The following PITRM1 variants were observed in gnomAD, a reference collection of about 807,000 sequenced individuals.
PITRM1 encodes pitrilysin metallopeptidase 1, also known as presequence protease, mitochondrial.
A neutral mutation model predicts 129.9 loss-of-function variants in PITRM1; 100 were observed. That is an observed-to-expected ratio of 0.77 (90% CI 0.65 to 0.91). The LOEUF (loss-of-function observed/expected upper bound fraction) is 0.91, where lower values mean the gene tolerates loss of function less well. PITRM1 is among the 40% of genes least tolerant of loss of function. PITRM1 has a pLI of 0.00. For missense variants in PITRM1, 1,471 were observed against 1,318.3 expected (o/e 1.12, Z -1.79); for synonymous variants, 591 against 508.8 (o/e 1.16, Z -2.17).
chr10:3,140,995 G>A (rs934978776), intron 23 of PITRM1, among the ~76,000 whole-genome samples, 183 bp from the exon 24 acceptor site: 2 of 152,196 alleles, frequency 1.3e-5, no homozygotes, highest in African/African-American at 4.8e-5. Flanking sequence ...AGGCTGGAGT[G>A]CATTAGTGCA....
intron 16 of PITRM1, chr10:3,149,265 G>A: frequency 5.6e-6 from 1 of 179,442 alleles, no homozygotes; most frequent in Non-Finnish European, 1.2e-5. Context: ...TGGAGGAGGA[G>A]CCACGCACGC....
intron 23 of PITRM1, 74 bp downstream of exon 23, chr10:3,143,315 T>G: frequency 1.1e-6 from 1 of 939,056 alleles, no homozygotes. Context: ...AAACACGCCC[T>G]GTGAACTCGA....
At chr10:3,165,999 T>C (rs1039717901) in intron 4 of PITRM1, among the ~76,000 whole-genome samples, 1 of 152,230 alleles carries the variant, frequency 6.6e-6, no homozygotes, top group East Asian at 1.9e-4. Flanking sequence ...TTTGAACTTT[T>C]CTGGGAAAAG....
At position 3,138,076 on chromosome 10, in the gene PITRM1, G is replaced by C. The variant is rs774147112; in HGVS notation, c.3069C>G (p.Pro1023=). 1 of 1,610,350 alleles carries C rather than the reference G, an allele frequency of 6.2e-7. No homozygotes were observed. Among genetic ancestry groups the C allele is most frequent in the Non-Finnish European group, 8.5e-7 (1 of 1,178,618 alleles). Residue 1023 remains proline, a synonymous_variant, in exon 27 of 27, where the codon CCC becomes CCG. Transcript: ENST00000224949. The part of the protein sequence containing the change: ...KSTHGLAILG[P]ENPKIAKDPS... ...GGTCCTTGGCAATTTTCGGGTTCTC[G>C]GGTCCGAGGATGGCCAGGCCGTGTG...
intron 14 of PITRM1, among the ~76,000 whole-genome samples, chr10:3,155,140 C>T: frequency 6.6e-6 from 1 of 152,132 alleles, no homozygotes; most frequent in East Asian, 1.9e-4. Flanking sequence ...CCTCCATGCC[C>T]ACCGCTCCAC....
chr10:3,145,271 T>G (rs1014084759), intron 21 of PITRM1: 1 of 287,676 alleles, frequency 3.5e-6, no homozygotes, highest in Non-Finnish European at 6.5e-6. Context: ...GAAACAGCAG[T>G]GAACAGCCTT....
At position 3,158,292 on chromosome 10, in the gene PITRM1, T is replaced by C. The variant is rs979918971; in HGVS notation, c.1137-139A>G. 1.4e-5 allele frequency: 9 copies of C among 630,804 alleles called. No individual in the cohort carries two copies. The African/African-American group carries it at 1.5e-4, about 11-fold the overall frequency. The allele number at this position is 630,804 out of a possible 1,614,324, so 39.1% of individuals were successfully genotyped here. On this transcript the variant is annotated intron_variant, in intron 10 of 26. Coordinates refer to ENST00000224949, the MANE Select transcript of PITRM1 (RefSeq NM_014889.4). ...TGAAAAGCTCATTAAAGCAGTGTTC[T>C]CAAGTAACTGGTTCTGTGTACATCC...
At chr10:3,144,750 A>G (rs1475437927) in intron 21 of PITRM1, among the ~76,000 whole-genome samples, 1 of 152,186 alleles carries the variant, frequency 6.6e-6, no homozygotes. Flanking sequence ...GGCTACAGCT[A>G]GTTGTAATGG....
intron 2 of PITRM1, among the ~76,000 whole-genome samples, chr10:3,168,814 G>C (rs963784504): frequency 6.6e-6 from 1 of 152,070 alleles, no homozygotes. Flanking sequence ...ACCCAGTCTT[G>C]GGTATTTCTT....
chr10:3,172,590 G>T (rs1843482150), intron 1 of PITRM1, 127 bp downstream of exon 1: 2 of 844,852 alleles, frequency 2.4e-6, no homozygotes, highest in Non-Finnish European at 3.4e-6. Flanking sequence ...CGGGGTGCGG[G>T]ACGCCCACAG....
At chr10:3,138,514 C>T in intron 25 of PITRM1, 177 bp from the exon 26 acceptor site, 1 of 630,658 alleles carries the variant, frequency 1.6e-6, no homozygotes, top group Non-Finnish European at 2.9e-6. Flanking sequence ...CTCCCACGTG[C>T]CACGCTGACC....
At chr10:3,139,264 G>T (rs1038629155) in intron 24 of PITRM1, among the ~76,000 whole-genome samples, 2 of 152,172 alleles carry the variant, frequency 1.3e-5, no homozygotes, top group Admixed American at 6.5e-5. Context: ...CTCCCTCTTA[G>T]ACAAGGTCTG....
intron 4 of PITRM1, 33 bp from the exon 5 acceptor site, chr10:3,165,560 A>T: frequency 8.3e-7 from 1 of 1,212,052 alleles, no homozygotes; most frequent in South Asian, 1.3e-5. Context: ...ATTGTAAAAT[A>T]TAACAGATTT....
rs1045732819 is a variant in PITRM1, at chr10:3,143,324, G to C, written c.2645+65C>G. ...GTGCTAAAACACGCCCTGTGAACTCGAACAGCCTTGACAAGCTCTTCCGTA... is the reference window on the plus strand; with the variant it reads ...GTGCTAAAACACGCCCTGTGAACTCCAACAGCCTTGACAAGCTCTTCCGTA... On this transcript the variant is annotated intron_variant, in intron 23 of 26. Transcript: ENST00000224949. The C allele has an allele frequency of 1.6e-5, 17 of 1,041,672 alleles. 1 individual carries two copies. In the South Asian group the frequency reaches 1.8e-4, roughly 11 times the overall value. The allele number at this position is 1,041,672 out of a possible 1,614,324, so 64.5% of individuals were successfully genotyped here.
chr10:3,162,223 A>G (rs970818211), intron 7 of PITRM1, among the ~76,000 whole-genome samples: 2 of 149,656 alleles, frequency 1.3e-5, no homozygotes, highest in African/African-American at 4.9e-5. Context: ...TTCCTGCACC[A>G]CCCCTCCTCC....
chr10:3,149,851 T>G, intron 15 of PITRM1, 98 bp from the exon 16 acceptor site: 2 of 1,333,256 alleles, frequency 1.5e-6, no homozygotes, highest in East Asian at 4.6e-5. Flanking sequence ...TTTTCAAGAA[T>G]GGAGGTTTAA....
rs1237594090 is a variant in PITRM1 at position 3,138,127 on chromosome 10, G to A, written c.3021-3C>T. On this transcript the variant is annotated splice_polypyrimidine_tract_variant and splice_region_variant and intron_variant, in intron 26 of 26. Transcript: ENST00000224949. ...TGCTCTTCCCAGTGCCGAGGTATCT[G>A]AGAGGAAGGCAGGCGTGGTCAGCAA... 1 of 1,604,870 alleles carries A rather than the reference G, an allele frequency of 6.2e-7. No individual in the cohort carries two copies. Among genetic ancestry groups the A allele is most frequent in the Non-Finnish European group, 8.5e-7 (1 of 1,173,778 alleles).
In PITRM1 at chr10:3,139,636, T is replaced by C. The variant is rs556119138; in HGVS notation, c.2772-587A>G. 3.3e-5 allele frequency among the ~76,000 whole-genome samples: 5 copies of C among 152,280 alleles called. No homozygotes were observed. In the South Asian group the frequency reaches 6.2e-4, roughly 19 times the overall value. On this transcript the variant is annotated intron_variant, in intron 24 of 26. Transcript: ENST00000224949. ...ATCAGAGTGGCAATGGCTACCTACG[T>C]ATCTACCTACATGCCTGCCTACCTA...
chr10:3,140,869 TGAAG>T, intron 23 of PITRM1, 57 bp from the exon 24 acceptor site: 1 of 1,344,362 alleles, frequency 7.4e-7, no homozygotes, highest in Non-Finnish European at 1.0e-6. Context: ...GCATAGACAA[TGAAG>T]TAATTGTTGG....
Sources: gnomAD v4.1 joint callset for allele counts (sites outside exome capture counted in the v4.1 genomes callset) on GRCh38, gnomAD v4.1.1 for gene constraint, MANE v1.5 for transcripts, NCBI Gene and HGNC (gene_info 2026-07-23, HGNC 2026-07-21) for gene names.